The following SPATS1 variants were observed in gnomAD, a reference collection of about 807,000 sequenced individuals.
SPATS1 encodes the protein spermatogenesis associated serine rich 1, also known as spermatogenesis-associated serine-rich protein 1.
In SPATS1, 23 loss-of-function variants were observed where a neutral mutation model predicts 33.6. That is an observed-to-expected ratio of 0.68 (90% confidence interval 0.49 to 0.97). The LOEUF is 0.97. Among genes scored for constraint, SPATS1 ranks in the 50% least tolerant of loss-of-function variants. The pLI, the probability that SPATS1 is intolerant of heterozygous loss-of-function variation, is 0.00. For synonymous variants in SPATS1, 131 were observed against 125.6 expected (o/e 1.04, Z -0.29); for missense variants, 327 against 361.0 (o/e 0.91, Z 0.76).
intron 3 of SPATS1, among the ~76,000 whole-genome samples, chr6:44,357,226 C>T (rs568737243): frequency 7.2e-5 from 11 of 152,214 alleles, no homozygotes; most frequent in African/African-American, 2.6e-4. Context: ...GCTCACATTG[C>T]CTCCTTTGCT....
chr6:44,377,308 T>G lies in SPATS1; in HGVS notation c.*245T>G, dbSNP rs1790020191. On this transcript the variant is annotated 3_prime_UTR_variant, in exon 9 of 9. Transcript: ENST00000674044. ...ATCATTGTTAATATTTGTTCAAACTTTCTCTCTCTCACAATATTACAGTTA... is the reference window on the plus strand; with the variant it reads ...ATCATTGTTAATATTTGTTCAAACTGTCTCTCTCTCACAATATTACAGTTA... 3.5e-6 allele frequency: 2 copies of G among 567,624 alleles called. No individual in the cohort carries two copies. Among genetic ancestry groups the G allele is most frequent in the African/African-American group, 3.8e-5 (2 of 53,112 alleles). The allele number at this position is 567,624 out of a possible 1,614,324, so 35.2% of individuals were successfully genotyped here. A position where few individuals can be genotyped will look rare whatever the true frequency, so the allele number is the denominator to read the frequency against.
Position 44,360,578 on chromosome 6 carries a change from A to T in SPATS1, c.412+8A>T. On this transcript the variant is annotated splice_region_variant and intron_variant, in intron 4 of 8. Transcript: ENST00000674044. ...TGCTTAAGTTGCAGACGAGTAAGTC[A>T]CAGACCCTCCTCCACATGCTTCTGT... The T allele has an allele frequency of 6.2e-7, 1 of 1,614,072 alleles. No individual in the cohort carries two copies.
intron 3 of SPATS1, among the ~76,000 whole-genome samples, chr6:44,356,482 GT>G (rs1788598343): frequency 6.6e-6 from 1 of 152,182 alleles, no homozygotes; most frequent in African/African-American, 2.4e-5. Context: ...ACCTAGATCG[GT>G]GCCTCTGGCT....
chr6:44,352,572 T>C (rs1788305246), intron 2 of SPATS1, among the ~76,000 whole-genome samples, 154 bp from the exon 3 acceptor site: 1 of 152,234 alleles, frequency 6.6e-6, no homozygotes, highest in African/African-American at 2.4e-5. Context: ...ATAAATGGAA[T>C]AATATGTGTA....
intron 2 of SPATS1, 42 bp downstream of exon 2, chr6:44,343,276 A>G (rs1310897577): frequency 1.3e-6 from 2 of 1,590,610 alleles, no homozygotes; most frequent in African/African-American, 1.4e-5. Flanking sequence ...TGGTGGCCAC[A>G]TCCAAGTATA....
chr6:44,364,319 G>A (rs1789110108), intron 5 of SPATS1, among the ~76,000 whole-genome samples: 2 of 152,158 alleles, frequency 1.3e-5, no homozygotes, highest in South Asian at 4.1e-4. Context: ...TATTTAGTTT[G>A]TTTGGATCAG....
At chr6:44,366,376 G>A (rs7768928) in intron 5 of SPATS1, among the ~76,000 whole-genome samples, 102,322 of 151,816 alleles carry the variant, frequency 0.67, 34,762 homozygotes, top group Middle Eastern at 0.76. Flanking sequence ...CACCTGCCTC[G>A]GCCTCCCAAA....
At chr6:44,356,498 G>A (rs1283359808) in intron 3 of SPATS1, among the ~76,000 whole-genome samples, 1 of 152,182 alleles carries the variant, frequency 6.6e-6, no homozygotes, top group Non-Finnish European at 1.5e-5. Context: ...CTGGCTCAAG[G>A]TCTCTCTCAC....
intron 7 of SPATS1, among the ~76,000 whole-genome samples, chr6:44,374,628 A>G (rs1789821320): frequency 6.6e-6 from 1 of 152,172 alleles, no homozygotes; most frequent in Admixed American, 6.5e-5. Context: ...AGACTGATAT[A>G]TTTGATTTCA....
chr6:44,352,511 C>T (rs1344829982), intron 2 of SPATS1, among the ~76,000 whole-genome samples: 1 of 151,992 alleles, frequency 6.6e-6, no homozygotes, highest in Non-Finnish European at 1.5e-5. Flanking sequence ...GTTTTCTCAA[C>T]CATAAAATGG....
At chr6:44,343,499 G>A in intron 2 of SPATS1, 1 of 558,758 alleles carries the variant, frequency 1.8e-6, no homozygotes, top group Non-Finnish European at 3.4e-6. Context: ...TATGAGTAAA[G>A]GGAGCCAGAG....
intron 3 of SPATS1, among the ~76,000 whole-genome samples, chr6:44,357,315 T>G (rs1037832888): frequency 1.3e-5 from 2 of 152,158 alleles, no homozygotes; most frequent in Non-Finnish European, 2.9e-5. Context: ...TCCAGTGGCG[T>G]CGTCTATGCT....
At chr6:44,367,714 A>T (rs1206937136) in intron 5 of SPATS1, among the ~76,000 whole-genome samples, 1 of 152,184 alleles carries the variant, frequency 6.6e-6, no homozygotes, top group Non-Finnish European at 1.5e-5. Flanking sequence ...TATTTATTTT[A>T]AATTTTAATT....
intron 3 of SPATS1, among the ~76,000 whole-genome samples, chr6:44,355,793 G>A (rs1243008407): frequency 1.3e-5 from 2 of 152,142 alleles, no homozygotes; most frequent in African/African-American, 4.8e-5. Flanking sequence ...GCCTCTTTAG[G>A]TCCTCTGCAA....
In SPATS1 at chr6:44,377,101, C is replaced by G. The variant is rs1790010342; in HGVS notation, c.*38C>G. Reference sequence around the variant, plus strand: ...CCACAAAACATGTGCTGACTGCACTCTGGCGACCCTTTTCCAGTTGATGTT... The same window carrying G: ...CCACAAAACATGTGCTGACTGCACTGTGGCGACCCTTTTCCAGTTGATGTT... On this transcript the variant is annotated 3_prime_UTR_variant, in exon 9 of 9. Coordinates refer to ENST00000674044, the MANE Select transcript of SPATS1 (RefSeq NM_001372081.1). 1 of 1,613,502 alleles carries G rather than the reference C, an allele frequency of 6.2e-7. No individual in the cohort carries two copies. The highest frequency in any genetic ancestry group is 8.5e-7 in the Non-Finnish European group (1 of 1,179,480).
chr6:44,358,068 A>T (rs1052066572), intron 3 of SPATS1, among the ~76,000 whole-genome samples: 2 of 152,162 alleles, frequency 1.3e-5, no homozygotes, highest in African/African-American at 4.8e-5. Context: ...AGTTGTCCCC[A>T]GCTATACTCT....
chr6:44,361,462 G>T, intron 4 of SPATS1: 1 of 985,392 alleles, frequency 1.0e-6, no homozygotes, highest in Non-Finnish European at 1.2e-6. Flanking sequence ...CTGGTTGATG[G>T]CATTCTATTT....
At chr6:44,357,930 T>C (rs1378021002) in intron 3 of SPATS1, among the ~76,000 whole-genome samples, 1 of 152,178 alleles carries the variant, frequency 6.6e-6, no homozygotes, top group Admixed American at 6.5e-5. Context: ...ACATGAGAAT[T>C]TGAATCTGGT....
intron 2 of SPATS1, 157 bp downstream of exon 2, chr6:44,343,391 T>G: frequency 1.2e-6 from 1 of 850,696 alleles, no homozygotes; most frequent in Non-Finnish European, 1.9e-6. Context: ...CTTATGTTTG[T>G]GCTAACCCAA....
Sources: allele counts gnomAD v4.1 joint callset (sites outside exome capture counted in the v4.1 genomes callset), GRCh38; gene constraint gnomAD v4.1.1; transcripts MANE v1.5; gene names NCBI Gene and HGNC (gene_info 2026-07-23, HGNC 2026-07-21).